NR3C2: variants seen among roughly 807,000 people sequenced by gnomAD.
NR3C2 encodes the protein mineralocorticoid receptor.
NR3C2 carries 15 observed loss-of-function variants against 86.4 expected under a neutral mutation model. The ratio of observed to expected loss-of-function variants is 0.17; its 90% CI spans 0.12 to 0.27. The LOEUF (loss-of-function observed/expected upper bound fraction) is 0.27. NR3C2 is among the 10% of genes least tolerant of loss of function. The pLI, the probability that NR3C2 is intolerant of heterozygous loss-of-function variation, is 1.00. For missense variants in NR3C2, 960 were observed against 1,195.6 expected, an observed-to-expected ratio of 0.80 and a Z score of 2.91; for synonymous variants, 458 against 450.5, an observed-to-expected ratio of 1.02 and a Z score of -0.21.
At chr4:148,131,652 A>G (rs1223259365) in intron 6 of NR3C2, among the ~76,000 whole-genome samples, 1 of 152,160 alleles carries the variant, frequency 6.6e-6, no homozygotes, top group East Asian at 1.9e-4. Context: ...ACTCAGCCAT[A>G]AGGTCTAGAA....
chr4:148,317,879 T>C (rs1743288481), intron 2 of NR3C2, among the ~76,000 whole-genome samples: 2 of 92,120 alleles, frequency 2.2e-5, no homozygotes. Context: ...TTTCTTTTTC[T>C]TTTTTTTTAT....
chr4:148,204,703 G>C (rs1201321585), intron 3 of NR3C2, among the ~76,000 whole-genome samples: 1 of 152,140 alleles, frequency 6.6e-6, no homozygotes, highest in East Asian at 1.9e-4. Flanking sequence ...TGCAAGACAT[G>C]TTTAGGCCAC....
intron 2 of NR3C2, among the ~76,000 whole-genome samples, chr4:148,319,209 G>C (rs1399726430): frequency 6.6e-6 from 1 of 151,960 alleles, no homozygotes; most frequent in African/African-American, 2.4e-5. Flanking sequence ...TTATTTCTGA[G>C]GGCTCTGTTC....
intron 3 of NR3C2, among the ~76,000 whole-genome samples, chr4:148,229,563 G>A (rs1445522875): frequency 6.6e-6 from 1 of 152,014 alleles, no homozygotes. Flanking sequence ...GTGGGCTCTG[G>A]GTTTCTTGGC....
At chr4:148,353,568 A>AT (rs1449004595) in intron 2 of NR3C2, among the ~76,000 whole-genome samples, 18 of 152,216 alleles carry the variant, frequency 1.2e-4, no homozygotes, top group Admixed American at 2.6e-4. Context: ...CCTTTTAAAA[A>AT]TATGTATAGA....
At chr4:148,230,462 G>A (rs1196701188) in intron 3 of NR3C2, among the ~76,000 whole-genome samples, 1 of 152,160 alleles carries the variant, frequency 6.6e-6, no homozygotes, top group Non-Finnish European at 1.5e-5. Flanking sequence ...CTCCCTAAGT[G>A]CTGGGATTAC....
chr4:148,126,362 A>G (rs1003107012), intron 6 of NR3C2, among the ~76,000 whole-genome samples: 15 of 152,230 alleles, frequency 9.9e-5, no homozygotes, highest in Non-Finnish European at 2.1e-4. Flanking sequence ...TTAAGAGACC[A>G]ATGATCATTT....
At chr4:148,299,211 C>T (rs1406009812) in intron 2 of NR3C2, among the ~76,000 whole-genome samples, 3 of 152,154 alleles carry the variant, frequency 2.0e-5, no homozygotes, top group East Asian at 3.8e-4. Flanking sequence ...TTTAGCTGAA[C>T]TAAGGAGCAA....
rs201155740 is a variant in NR3C2, at chr4:148,436,286, G to T, written c.575C>A (p.Pro192Gln). The T allele has an allele frequency of 6.2e-7, 1 of 1,614,112 alleles. No individual in the cohort carries two copies. Among genetic ancestry groups the T allele is most frequent in the African/African-American group, 1.3e-5 (1 of 75,046 alleles). The change falls in exon 2 of 9, where the codon CCG becomes CAG. Residue 192 changes from proline (P) to glutamine (Q), a missense_variant. Pro to Gln is a moderately conservative substitution (Grantham distance 76). Around this residue, in one of 4 missense-constraint regions of NR3C2, gnomAD observed 680 missense variants for 719.0 expected, o/e 0.95. Coordinates refer to ENST00000358102, the MANE Select transcript of NR3C2 (RefSeq NM_000901.5). Reference sequence around the variant, plus strand: ...CATGTTCAGAGGGCTGCAAACAGACGGGCTTTTCTCATGACACATGATAGG... The same window carrying T: ...CATGTTCAGAGGGCTGCAAACAGACTGGCTTTTCTCATGACACATGATAGG... ...KSPIMCHEKS[P>Q]SVCSPLNMTS...
intron 2 of NR3C2, among the ~76,000 whole-genome samples, chr4:148,380,719 T>G (rs1183825904): frequency 1.3e-5 from 2 of 152,204 alleles, no homozygotes; most frequent in Admixed American, 1.3e-4. Context: ...AGCATGTAGA[T>G]TTTTAGAAGC....
chr4:148,298,184 T>C (rs1415677304), intron 2 of NR3C2, among the ~76,000 whole-genome samples: 1 of 152,210 alleles, frequency 6.6e-6, no homozygotes, highest in Non-Finnish European at 1.5e-5. Flanking sequence ...ATAAAAGACA[T>C]ATAAACTGTA....
At chr4:148,226,988 A>G (rs1402340509) in intron 3 of NR3C2, among the ~76,000 whole-genome samples, 1 of 152,178 alleles carries the variant, frequency 6.6e-6, no homozygotes, top group Non-Finnish European at 1.5e-5. Context: ...TTCCTGTATA[A>G]CCTTCACTCA....
At chr4:148,143,546 T>C (rs1733719284) in intron 6 of NR3C2, among the ~76,000 whole-genome samples, 1 of 152,224 alleles carries the variant, frequency 6.6e-6, no homozygotes, top group African/African-American at 2.4e-5. Flanking sequence ...TACACGGAAA[T>C]TGCTCAATAA....
chr4:148,131,724 C>A (rs11729617), intron 6 of NR3C2, among the ~76,000 whole-genome samples: 23,327 of 152,152 alleles, frequency 0.15, 2,236 homozygotes, highest in African/African-American at 0.27. Flanking sequence ...AGACTAATGT[C>A]CCATTGGTCT....
intron 3 of NR3C2, among the ~76,000 whole-genome samples, chr4:148,243,946 T>C (rs1306244070): frequency 6.6e-6 from 1 of 152,178 alleles, no homozygotes; most frequent in African/African-American, 2.4e-5. Context: ...AGTGGTACTA[T>C]GTACAAAGTT....
At chr4:148,146,169 T>G (rs1280937076) in intron 6 of NR3C2, among the ~76,000 whole-genome samples, 1 of 152,020 alleles carries the variant, frequency 6.6e-6, no homozygotes, top group Non-Finnish European at 1.5e-5. Context: ...CATCCCTGAC[T>G]CCTCTCATCA....
At chr4:148,187,651 T>C (rs1735992713) in intron 4 of NR3C2, among the ~76,000 whole-genome samples, 1 of 152,206 alleles carries the variant, frequency 6.6e-6, no homozygotes. Flanking sequence ...GTCATCTGTT[T>C]ACTCTGCTGA....
At chr4:148,296,400 A>G (rs2149915231) in intron 2 of NR3C2, among the ~76,000 whole-genome samples, 1 of 152,286 alleles carries the variant, frequency 6.6e-6, no homozygotes, top group South Asian at 2.1e-4. Context: ...TTGTCCTATT[A>G]TATTCTACAG....
chr4:148,140,378 C>T (rs773400735), intron 6 of NR3C2, among the ~76,000 whole-genome samples: 12 of 151,942 alleles, frequency 7.9e-5, no homozygotes, highest in Non-Finnish European at 1.3e-4. Context: ...CTAAAAAATA[C>T]GAAGAAATTA....
Sources: gnomAD v4.1 joint callset for allele counts (sites outside exome capture counted in the v4.1 genomes callset) on GRCh38, gnomAD v4.1.1 for gene constraint, gnomAD v4.1.1 regional missense constraint, MANE v1.5 for transcripts, NCBI Gene and HGNC (gene_info 2026-07-23, HGNC 2026-07-21) for gene names.